The following CEP295 variants were observed in gnomAD, a reference collection of about 807,000 sequenced individuals.
The protein encoded by CEP295 is centrosomal protein of 295 kDa.
In CEP295, 190 loss-of-function variants were observed where a neutral mutation model predicts 291.6. The ratio of observed to expected loss-of-function variants is 0.65; its 90% CI spans 0.58 to 0.73. CEP295 has a LOEUF of 0.73. CEP295 is among the 30% of genes least tolerant of loss of function. The probability of loss-of-function intolerance (pLI) is 0.00; values close to 1 mark genes in which losing one functional copy is unlikely to be tolerated. For synonymous variants in CEP295, 993 were observed against 1,038.8 expected, an observed-to-expected ratio of 0.96 and a Z score of 0.85; for missense variants, 2,863 against 2,949.4, an observed-to-expected ratio of 0.97 and a Z score of 0.68.
rs1453922807 is a variant in CEP295 at position 93,721,998 on chromosome 11, C to T, written c.5895C>T (p.Ser1965=). ...AACCATTATCTTCAGCAACTGTTTC[C>T]ACTGGGAGCCTTTTAAGTTATGAAA... ...SYEPLSSATV[S]TGSLLSYENT... The change falls in exon 20 of 30, where the codon TCC becomes TCT. Residue 1965 remains serine, a synonymous_variant. Coordinates refer to ENST00000325212, the MANE Select transcript of CEP295 (RefSeq NM_033395.2). 2 of 1,581,312 alleles carry T rather than the reference C, an allele frequency of 1.3e-6. No homozygotes were observed. The highest frequency in any genetic ancestry group is 3.7e-5 in the Admixed American group (2 of 54,418).
At position 93,696,713 on chromosome 11, in the gene CEP295, A is replaced by G. The variant is rs1341957886; in HGVS notation, c.1801A>G (p.Lys601Glu). 19 of 1,550,302 alleles carry G rather than the reference A, an allele frequency of 1.2e-5. No homozygotes were observed. Among genetic ancestry groups the G allele is most frequent in the Non-Finnish European group, 1.7e-5 (19 of 1,146,300 alleles). Reference sequence around the variant, plus strand: ...CAGGCAGTCTGTTGAAACAGCCAGGAAACAATTACTTGAATATCAAACTAT... The same window carrying G: ...CAGGCAGTCTGTTGAAACAGCCAGGGAACAATTACTTGAATATCAAACTAT... ...LHRQSVETARKQLLEYQTMLK... is the reference protein window; with the variant it reads ...LHRQSVETAREQLLEYQTMLK... Residue 601 changes from lysine to glutamate, a missense_variant, in exon 15 of 30, where the codon AAA becomes GAA. Transcript: ENST00000325212.
At chr11:93,682,923 G>A (rs895344230) in intron 7 of CEP295, among the ~76,000 whole-genome samples, 1 of 152,006 alleles carries the variant, frequency 6.6e-6, no homozygotes, top group African/African-American at 2.4e-5. Flanking sequence ...CCCATCCCAA[G>A]GAACAAGAAG....
chr11:93,706,627 T>C (rs2135187643), intron 17 of CEP295, 118 bp from the exon 18 acceptor site: 1 of 742,102 alleles, frequency 1.3e-6, no homozygotes. Context: ...TAAGGAATTA[T>C]TGCTATATAC....
In CEP295 at chr11:93,692,082, T is replaced by A. The variant is rs1047081858; in HGVS notation, c.1533+52T>A. The stretch of plus-strand genomic sequence containing the variant: ...TTTATTTTTCCCCTAGGTACTATTA[T>A]ATAATTTTGTTTGGCCAATGAAATT... On this transcript the variant is annotated intron_variant, in intron 12 of 29. Coordinates refer to ENST00000325212, the MANE Select transcript of CEP295 (RefSeq NM_033395.2). 3 of 1,017,012 alleles carry A rather than the reference T, an allele frequency of 2.9e-6. No homozygotes were observed. In the African/African-American group the frequency reaches 4.8e-5, roughly 16 times the overall value. The allele number at this position is 1,017,012 out of a possible 1,614,324, so 63.0% of individuals were successfully genotyped here. A position where few individuals can be genotyped will look rare whatever the true frequency, so the allele number is the denominator to read the frequency against.
chr11:93,679,830 A>C (rs1950877907), intron 7 of CEP295, among the ~76,000 whole-genome samples: 1 of 152,258 alleles, frequency 6.6e-6, no homozygotes, highest in South Asian at 2.1e-4. Context: ...CTGAGGAAAA[A>C]AATCACTTTC....
rs762735886 is a variant in CEP295 at position 93,687,638 on chromosome 11, T to C, written c.1115-6T>C. The C allele has an allele frequency of 1.4e-6, 2 of 1,457,744 alleles. No homozygotes were observed. The highest frequency in any genetic ancestry group is 2.6e-5 in the South Asian group (2 of 77,586). 90.3% of individuals were successfully genotyped at this position (1,457,744 alleles called of 1,614,324 possible). A position where few individuals can be genotyped will look rare whatever the true frequency, so the allele number is the denominator to read the frequency against. On this transcript the variant is annotated splice_region_variant and splice_polypyrimidine_tract_variant and intron_variant, in intron 9 of 29. Coordinates refer to ENST00000325212, the MANE Select transcript of CEP295 (RefSeq NM_033395.2). ...AATAAGTTTTTTCCCTTTTTCTTTC[T>C]TTTAGTTCCCTTGGTAATGAAGACC...
chr11:93,713,391 G>C (rs1041478581), intron 18 of CEP295, among the ~76,000 whole-genome samples: 1 of 152,114 alleles, frequency 6.6e-6, no homozygotes, highest in Non-Finnish European at 1.5e-5. Flanking sequence ...GTCTGGTTTT[G>C]ATTAAATCCC....
Position 93,683,954 on chromosome 11 carries a change from CTTTTT to C in CEP295, c.950-8_950-4del. 6.5e-7 allele frequency: 1 copy of C among 1,534,746 alleles called. No homozygotes were observed. The highest frequency in any genetic ancestry group is 8.7e-7 in the Non-Finnish European group (1 of 1,143,020). On this transcript the variant is annotated splice_polypyrimidine_tract_variant and splice_region_variant and intron_variant, in intron 8 of 29. Transcript: ENST00000325212. The stretch of plus-strand genomic sequence containing the variant: ...GGAATGGAAACGTGTCTCTATTTTT[CTTTTT>C]TAAGAGGTGAAAGGGAATCTGATTC...
rs755153826 is a variant in CEP295, at chr11:93,684,168, G to GA, written c.1114+50dup. 8.5e-3 allele frequency: 10,994 copies of GA among 1,294,008 alleles called. 1 individual carries two copies. Among genetic ancestry groups the GA allele is most frequent in the South Asian group, 0.013 (834 of 63,310 alleles). The allele number at this position is 1,294,008 out of a possible 1,614,324, so 80.2% of individuals were successfully genotyped here. On this transcript the variant is annotated intron_variant, in intron 9 of 29. Coordinates refer to ENST00000325212, the MANE Select transcript of CEP295 (RefSeq NM_033395.2). ...GAGCTAAATATTACAGTATTTCACA[G>GA]AAAAAAAAAATGCTAACCATTAGCC...
chr11:93,683,843 C>T, intron 8 of CEP295, 101 bp downstream of exon 8: 1 of 1,424,362 alleles, frequency 7.0e-7, no homozygotes, highest in Admixed American at 2.7e-5. Flanking sequence ...AATGAGTTCT[C>T]TGTTTGAAGG....
intron 18 of CEP295, among the ~76,000 whole-genome samples, chr11:93,718,935 C>A (rs1953471795): frequency 6.6e-6 from 1 of 152,120 alleles, no homozygotes; most frequent in African/African-American, 2.4e-5. Flanking sequence ...ATGGTGAAAC[C>A]CCGTCTCTAC....
intron 5 of CEP295, among the ~76,000 whole-genome samples, chr11:93,672,020 C>T (rs1275402640): frequency 3.9e-5 from 6 of 151,986 alleles, no homozygotes; most frequent in Non-Finnish European, 8.8e-5. Context: ...TTTTTTTATT[C>T]ATATCTAATT....
intron 10 of CEP295, among the ~76,000 whole-genome samples, chr11:93,688,376 T>C (rs1250955430): frequency 6.6e-6 from 1 of 152,216 alleles, no homozygotes; most frequent in Admixed American, 6.5e-5. Context: ...TTACAAAGTA[T>C]CTTTTCACAC....
chr11:93,666,610 AATT>A, intron 1 of CEP295, 69 bp from the exon 2 acceptor site: 1 of 644,542 alleles, frequency 1.6e-6, no homozygotes, highest in Non-Finnish European at 2.6e-6. Context: ...AAACAAACAA[AATT>A]ATTCTAATCT....
intron 18 of CEP295, 57 bp downstream of exon 18, chr11:93,706,954 TTTA>T: frequency 1.5e-6 from 2 of 1,357,208 alleles, no homozygotes; most frequent in Non-Finnish European, 2.0e-6. Context: ...ACAAAAGATA[TTTA>T]TTATTTTGTT....
At chr11:93,696,573 C>A in intron 14 of CEP295, 109 bp from the exon 15 acceptor site, 1 of 1,130,026 alleles carries the variant, frequency 8.8e-7, no homozygotes, top group Non-Finnish European at 1.2e-6. Flanking sequence ...TTTCTTTTCA[C>A]CATGAGTATT....
intron 3 of CEP295, 95 bp downstream of exon 3, chr11:93,667,902 G>T: frequency 1.2e-6 from 1 of 861,526 alleles, no homozygotes; most frequent in East Asian, 2.8e-5. Context: ...ACATTTTCAT[G>T]CATTGAATTT....
Position 93,729,960 on chromosome 11 carries a change from G to A in CEP295, c.7658G>A (p.Arg2553Lys), listed in dbSNP as rs776919353. Residue 2553 changes from arginine (R) to lysine (K), a missense_variant, in exon 28 of 30, where the codon AGG becomes AAG. Around this residue, in one of 3 missense-constraint regions of CEP295, gnomAD observed 2,295 missense variants for 2,335.7 expected, o/e 0.98. Transcript: ENST00000325212. Reference protein sequence around the residue: ...RKTTQALRHQRGLRLYNQLAE... With the variant: ...RKTTQALRHQKGLRLYNQLAE... ...ACTACACAGGCTCTAAGGCACCAAA[G>A]GGGTCTAAGGTAGGGTTAATTTTTT... 6.5e-7 allele frequency: 1 copy of A among 1,533,592 alleles called. No individual in the cohort carries two copies. Among genetic ancestry groups the A allele is most frequent in the African/African-American group, 1.4e-5 (1 of 71,238 alleles). 95.0% of individuals were successfully genotyped at this position (1,533,592 alleles called of 1,614,324 possible). A position where few individuals can be genotyped will look rare whatever the true frequency, so the allele number is the denominator to read the frequency against.
intron 18 of CEP295, among the ~76,000 whole-genome samples, chr11:93,718,140 GGC>G (rs1480562309): frequency 2.6e-5 from 4 of 152,158 alleles, no homozygotes; most frequent in African/African-American, 7.2e-5. Context: ...TGAACCCCTA[GGC>G]TTGAGCAGTC....
Sources: gnomAD v4.1 joint callset for allele counts (sites outside exome capture counted in the v4.1 genomes callset) on GRCh38, gnomAD v4.1.1 for gene constraint, gnomAD v4.1.1 regional missense constraint, MANE v1.5 for transcripts, NCBI Gene and HGNC (gene_info 2026-07-23, HGNC 2026-07-21) for gene names.